OR52I2: variants seen among roughly 807,000 people sequenced by gnomAD.
OR52I2 encodes the protein olfactory receptor 52I2.
For missense variants in OR52I2, 350 were observed against 402.4 expected, an observed-to-expected ratio of 0.87 and a Z score of 1.11; for synonymous variants, 147 against 151.9, an observed-to-expected ratio of 0.97 and a Z score of 0.24.
At chr11:4,581,981 C>A (rs1846261135) in intron 1 of OR52I2, 117 bp downstream of exon 1, 1 of 152,210 alleles carries the variant, frequency 6.6e-6, no homozygotes, top group South Asian at 2.1e-4. Context: ...TCATGCCTCC[C>A]ATATAGGGCT....
At chr11:4,592,775 T>C (rs889233056) in exon 2 of OR52I2, 2 of 152,206 alleles carry the variant, frequency 1.3e-5, no homozygotes, top group Non-Finnish European at 2.9e-5. Context: ...AATGAGGCAA[T>C]GGAGGGTGAA....
chr11:4,586,392 C>A (rs1370574411), intron 1 of OR52I2, among the ~76,000 whole-genome samples: 2 of 152,168 alleles, frequency 1.3e-5, no homozygotes, highest in Admixed American at 1.3e-4. Flanking sequence ...CTCTGTTTAT[C>A]CTTCATTCTG....
At chr11:4,585,345 C>T (rs1002938694) in intron 1 of OR52I2, among the ~76,000 whole-genome samples, 5 of 152,118 alleles carry the variant, frequency 3.3e-5, no homozygotes, top group African/African-American at 1.2e-4. Context: ...AATGTTACCA[C>T]CAGAAGAGGC....
At chr11:4,591,344 G>C (rs1207369682) in exon 2 of OR52I2, 1 of 152,156 alleles carries the variant, frequency 6.6e-6, no homozygotes, top group African/African-American at 2.4e-5. Flanking sequence ...TTTCAGGAGA[G>C]GCACAGGAAG....
intron 1 of OR52I2, 57 bp from the exon 2 acceptor site, chr11:4,586,815 G>A (rs1564860074): frequency 6.2e-7 from 1 of 1,611,988 alleles, no homozygotes; most frequent in Non-Finnish European, 8.5e-7. Flanking sequence ...AGCACCACAT[G>A]TGTCAACAAA....
At chr11:4,583,126 A>G (rs1019806158) in intron 1 of OR52I2, among the ~76,000 whole-genome samples, 1 of 152,220 alleles carries the variant, frequency 6.6e-6, no homozygotes, top group African/African-American at 2.4e-5. Context: ...GATCTTAGCC[A>G]AGAAATTTTC....
exon 2 of OR52I2, chr11:4,592,963 C>T (rs945033452): frequency 1.3e-5 from 2 of 152,154 alleles, no homozygotes; most frequent in African/African-American, 2.4e-5. Context: ...ATAGCTTAAA[C>T]CCAAAACTTA....
rs550578100 is a variant in OR52I2 at position 4,586,763 on chromosome 11, C to G, written c.-19-109C>G. 12 of 1,513,066 alleles carry G rather than the reference C, an allele frequency of 7.9e-6. No homozygotes were observed. The South Asian group carries it at 1.3e-4, about 17-fold the overall frequency. 93.7% of individuals were successfully genotyped at this position (1,513,066 alleles called of 1,614,324 possible). On this transcript the variant is annotated intron_variant, in intron 1 of 1. Transcript: ENST00000641896. The stretch of plus-strand genomic sequence containing the variant: ...TTTTGTCAGATGCCACATTTTTGAT[C>G]CTGAGATTACCACCAAGCTGAGAAT...
chr11:4,589,784 A>C (rs1846337458), exon 2 of OR52I2: 1 of 152,130 alleles, frequency 6.6e-6, no homozygotes, highest in Admixed American at 6.5e-5. Flanking sequence ...GGTAGGAAGA[A>C]AGGGTTATCA....
exon 2 of OR52I2, chr11:4,589,261 A>G (rs1381491225): frequency 6.6e-6 from 1 of 152,236 alleles, no homozygotes; most frequent in African/African-American, 2.4e-5. Context: ...GAGGGCCCCA[A>G]TGAGAAGTCT....
At chr11:4,585,120 G>A (rs1846289131) in intron 1 of OR52I2, among the ~76,000 whole-genome samples, 1 of 152,168 alleles carries the variant, frequency 6.6e-6, no homozygotes, top group African/African-American at 2.4e-5. Flanking sequence ...CTAAGGCAAA[G>A]CGGCTAGCAA....
At chr11:4,590,138 T>A (rs553802276) in exon 2 of OR52I2, 1 of 152,234 alleles carries the variant, frequency 6.6e-6, no homozygotes, top group Non-Finnish European at 1.5e-5. Context: ...GTAGTGCCTA[T>A]GTAGGTGTGT....
chr11:4,583,060 G>A (rs1361544193), intron 1 of OR52I2, among the ~76,000 whole-genome samples: 2 of 152,108 alleles, frequency 1.3e-5, no homozygotes, highest in African/African-American at 4.8e-5. Context: ...AGATGTTTTG[G>A]TAAAACAGGA....
exon 2 of OR52I2, chr11:4,590,975 G>C (rs898604292): frequency 3.9e-5 from 6 of 152,140 alleles, no homozygotes; most frequent in African/African-American, 1.4e-4. Context: ...ATAGATCACA[G>C]TCTGTAATCA....
At chr11:4,582,148 G>A (rs1846262202) in intron 1 of OR52I2, among the ~76,000 whole-genome samples, 2 of 152,180 alleles carry the variant, frequency 1.3e-5, no homozygotes, top group Non-Finnish European at 2.9e-5. Flanking sequence ...AGTTTTCAGG[G>A]ACCAAGAGAA....
In OR52I2 at chr11:4,587,491, C is replaced by G. The variant is rs768623058; in HGVS notation, c.601C>G (p.Leu201Val). The change falls in exon 2 of 2, where the codon CTC (leucine) becomes GTC (valine). Residue 201 changes from leucine (L) to valine (V), a missense_variant. Transcript: ENST00000641896. Reference sequence around the variant, plus strand: ...ATGTGCTGACCCCGTGCCCAGCAGTCTCTACAGTCTGATTGGTTCCTCTCT... The same window carrying G: ...ATGTGCTGACCCCGTGCCCAGCAGTGTCTACAGTCTGATTGGTTCCTCTCT... The G allele has an allele frequency of 1.9e-6, 3 of 1,614,196 alleles. No individual in the cohort carries two copies. In the East Asian group the frequency reaches 6.7e-5, roughly 36 times the overall value.
In OR52I2 at chr11:4,586,495, T is replaced by C. The variant is rs187142471; in HGVS notation, c.-19-377T>C. ...GGATTACACCCTTTGTATAAGATCA[T>C]AAACAAGAGACATACACCTTAATGC... On this transcript the variant is annotated intron_variant, in intron 1 of 1. Coordinates refer to ENST00000641896, the Ensembl canonical transcript of OR52I2. 8.8e-4 allele frequency among the ~76,000 whole-genome samples: 134 copies of C among 152,210 alleles called. 1 individual carries two copies. The highest frequency in any genetic ancestry group is 1.5e-3 in the Non-Finnish European group (104 of 68,004).
At chr11:4,582,436 T>TTTTTTTTTTTTTTTTTTTTTTTTTCC (rs1564859046) in intron 1 of OR52I2, among the ~76,000 whole-genome samples, 1 of 60,794 alleles carries the variant, frequency 1.6e-5, no homozygotes, top group African/African-American at 5.2e-5. Flanking sequence ...TATTTTTCAT[T>TTTTTTTTTTTTTTTTTTTTTTTTTCC]TTTTTTTTTT....
At chr11:4,592,833 TG>T (rs1287577087) in exon 2 of OR52I2, 2 of 152,238 alleles carry the variant, frequency 1.3e-5, no homozygotes, top group African/African-American at 4.8e-5. Flanking sequence ...AGCTGCTGGC[TG>T]TGCACAGCAG....
Sources: allele counts gnomAD v4.1 joint callset (sites outside exome capture counted in the v4.1 genomes callset), GRCh38; gene constraint gnomAD v4.1.1; transcripts MANE v1.5; gene names NCBI Gene and HGNC (gene_info 2026-07-23, HGNC 2026-07-21).